ADCY9: variants seen among roughly 807,000 people sequenced by gnomAD.
ADCY9 encodes the protein adenylate cyclase type 9.
A neutral mutation model predicts 101.5 loss-of-function variants in ADCY9; 50 were observed. The ratio of observed to expected loss-of-function variants is 0.49; its 90% CI spans 0.39 to 0.62. The LOEUF is 0.62. Among genes scored for constraint, ADCY9 ranks in the 20% least tolerant of loss-of-function variants. The pLI is 0.00. For missense variants in ADCY9, 1,662 were observed against 1,800.4 expected (o/e 0.92, Z 1.39); for synonymous variants, 905 against 769.3 (o/e 1.18, Z -2.92).
chr16:3,979,321 G>T (rs1260738653), intron 7 of ADCY9, 46 bp from the exon 8 acceptor site: 1 of 1,604,316 alleles, frequency 6.2e-7, no homozygotes, highest in African/African-American at 1.3e-5. Context: ...GCCCGGGGTG[G>T]GTCATCGGCC....
At chr16:3,977,693 G>C (rs2056105180) in intron 8 of ADCY9, 63 bp from the exon 9 acceptor site, 24 of 1,546,068 alleles carry the variant, frequency 1.6e-5, no homozygotes, top group Non-Finnish European at 1.9e-5. Flanking sequence ...GCTATACCCG[G>C]CCGCCAAAAC....
At chr16:4,008,315 G>T (rs1031830573) in intron 2 of ADCY9, among the ~76,000 whole-genome samples, 3 of 152,182 alleles carry the variant, frequency 2.0e-5, no homozygotes, top group Non-Finnish European at 4.4e-5. Context: ...GCTGTGAACA[G>T]GTGGGTGGAT....
At chr16:4,013,492 A>T (rs2056417589) in intron 2 of ADCY9, among the ~76,000 whole-genome samples, 1 of 152,224 alleles carries the variant, frequency 6.6e-6, no homozygotes, top group Non-Finnish European at 1.5e-5. Flanking sequence ...TCAGGAAGGA[A>T]AGAATGTTTT....
chr16:3,995,375 C>T (rs1032684297), intron 3 of ADCY9, among the ~76,000 whole-genome samples: 4 of 152,036 alleles, frequency 2.6e-5, no homozygotes, highest in South Asian at 4.2e-4. Context: ...CCGCAGTGAG[C>T]TTTGATGGTG....
At chr16:4,005,705 C>G (rs183403625) in intron 3 of ADCY9, among the ~76,000 whole-genome samples, 2 of 152,254 alleles carry the variant, frequency 1.3e-5, no homozygotes, top group African/African-American at 4.8e-5. Flanking sequence ...GTCACTAAAC[C>G]CGTGAGCATG....
At chr16:4,046,692 G>A (rs917229095) in intron 2 of ADCY9, among the ~76,000 whole-genome samples, 12 of 152,054 alleles carry the variant, frequency 7.9e-5, no homozygotes, top group East Asian at 3.9e-4. Flanking sequence ...ACTAGTTCAC[G>A]CAGATCATCT....
chr16:4,040,226 G>A (rs1281794096), intron 2 of ADCY9, among the ~76,000 whole-genome samples: 1 of 152,138 alleles, frequency 6.6e-6, no homozygotes, highest in African/African-American at 2.4e-5. Context: ...TAAATCTGCA[G>A]GTGCATGAAA....
chr16:4,048,257 A>G (rs1458600948), intron 2 of ADCY9, among the ~76,000 whole-genome samples: 2 of 152,250 alleles, frequency 1.3e-5, no homozygotes, highest in Non-Finnish European at 2.9e-5. Context: ...TTTTAAAATG[A>G]GAAAACACTA....
chr16:4,038,042 G>T (rs182481120), intron 2 of ADCY9, among the ~76,000 whole-genome samples: 1 of 152,348 alleles, frequency 6.6e-6, no homozygotes, highest in African/African-American at 2.4e-5. Flanking sequence ...GGGAGGCTGA[G>T]GTGGAAGAAT....
chr16:3,991,558 C>A (rs1597150103), intron 5 of ADCY9, among the ~76,000 whole-genome samples: 2 of 151,960 alleles, frequency 1.3e-5, no homozygotes, highest in East Asian at 1.9e-4. Context: ...GCCAAGAGTT[C>A]GAGACCCGCC....
chr16:3,983,479 C>T (rs2056163813), intron 6 of ADCY9, 39 bp from the exon 7 acceptor site: 2 of 1,543,050 alleles, frequency 1.3e-6, no homozygotes, highest in African/African-American at 2.7e-5. Context: ...ACTGGGAGGC[C>T]ATGGGCGGCC....
At chr16:4,104,636 T>A (rs1015761026) in intron 2 of ADCY9, among the ~76,000 whole-genome samples, 5 of 151,850 alleles carry the variant, frequency 3.3e-5, no homozygotes, top group Non-Finnish European at 7.4e-5. Flanking sequence ...AAACTACTAC[T>A]CACTTGTTGA....
Position 3,963,346 on chromosome 16 carries a change from G to C in ADCY9, c.*2429C>G, listed in dbSNP as rs141175602. The C allele has an allele frequency of 1.5e-5, 6 of 398,762 alleles. No individual in the cohort carries two copies. Among genetic ancestry groups the C allele is most frequent in the African/African-American group, 1.0e-4 (5 of 48,662 alleles). The allele number at this position is 398,762 out of a possible 1,614,324, so 24.7% of individuals were successfully genotyped here. On this transcript the variant is annotated 3_prime_UTR_variant, in exon 11 of 11. Coordinates refer to ENST00000294016, the MANE Select transcript of ADCY9 (RefSeq NM_001116.4). Reference sequence around the variant, plus strand: ...CTCGTGTCTCCAGCACGATGTGCTCGCTGCCAACAGACAAGAGATGCACGG... The same window carrying C: ...CTCGTGTCTCCAGCACGATGTGCTCCCTGCCAACAGACAAGAGATGCACGG...
intron 2 of ADCY9, among the ~76,000 whole-genome samples, chr16:4,050,899 C>T (rs55690260): frequency 0.23 from 35,655 of 151,742 alleles, 4,678 homozygotes; most frequent in Non-Finnish European, 0.29. Context: ...AGGAAAGTTC[C>T]GGGTGAGCCT....
At chr16:4,050,989 G>A (rs535981708) in intron 2 of ADCY9, among the ~76,000 whole-genome samples, 13 of 152,088 alleles carry the variant, frequency 8.5e-5, no homozygotes, top group Non-Finnish European at 1.5e-4. Context: ...GAGGCAGGCA[G>A]ATCACCTGAG....
intron 8 of ADCY9, among the ~76,000 whole-genome samples, chr16:3,977,837 C>T (rs1330790204): frequency 2.0e-5 from 3 of 152,198 alleles, no homozygotes; most frequent in Non-Finnish European, 4.4e-5. Context: ...CTACCTCAGC[C>T]TCATGAGTAG....
chr16:4,076,612 C>T (rs1327049414), intron 2 of ADCY9, among the ~76,000 whole-genome samples: 3 of 152,082 alleles, frequency 2.0e-5, no homozygotes, highest in African/African-American at 4.8e-5. Flanking sequence ...GAAATGGTTA[C>T]CAAAAACTGA....
chr16:4,100,381 G>A (rs2057034653), intron 2 of ADCY9, among the ~76,000 whole-genome samples: 1 of 152,092 alleles, frequency 6.6e-6, no homozygotes, highest in Non-Finnish European at 1.5e-5. Flanking sequence ...CCAGGCTGGA[G>A]TACAGTGGCG....
At chr16:4,087,435 CCGAGA>C (rs2056945878) in intron 2 of ADCY9, among the ~76,000 whole-genome samples, 1 of 151,190 alleles carries the variant, frequency 6.6e-6, no homozygotes, top group African/African-American at 2.4e-5. Flanking sequence ...TCTTGGGAGG[CCGAGA>C]CATGAGAATT....
Sources: gnomAD v4.1 joint callset for allele counts (sites outside exome capture counted in the v4.1 genomes callset) on GRCh38, gnomAD v4.1.1 for gene constraint, MANE v1.5 for transcripts, NCBI Gene and HGNC (gene_info 2026-07-23, HGNC 2026-07-21) for gene names.